CPS1: variants seen among roughly 807,000 people sequenced by gnomAD.
CPS1 encodes the protein carbamoyl-phosphate synthase 1.
CPS1 carries 109 observed loss-of-function variants against 174.6 expected under a neutral mutation model. That is an observed-to-expected ratio of 0.62 (90% CI 0.53 to 0.73). CPS1 has a LOEUF of 0.73. Among genes scored for constraint, CPS1 ranks in the 30% least tolerant of loss-of-function variants. The pLI, the probability that CPS1 is intolerant of heterozygous loss-of-function variation, is 0.00. For missense variants in CPS1, 1,689 were observed against 1,821.9 expected, an observed-to-expected ratio of 0.93 and a Z score of 1.33; for synonymous variants, 637 against 632.0, an observed-to-expected ratio of 1.01 and a Z score of -0.12.
intron 1 of CPS1, 49 bp downstream of exon 1, chr2:210,556,908 T>C (rs1245361349): frequency 1.9e-6 from 3 of 1,601,002 alleles, no homozygotes; most frequent in East Asian, 2.2e-5. Context: ...GGGTATAGTT[T>C]AGCAGTGAAG....
upstream of CPS1, among the ~76,000 whole-genome samples, chr2:210,552,607 A>G (rs943960520): frequency 5.3e-5 from 8 of 151,926 alleles, no homozygotes; most frequent in African/African-American, 1.4e-4. Context: ...TAAGACCTTT[A>G]TTCTCTAAGA....
chr2:210,615,622 A>T lies in CPS1; in HGVS notation c.2569-801A>T, dbSNP rs183350754. On this transcript the variant is annotated intron_variant, in intron 20 of 37. Coordinates refer to ENST00000233072, the MANE Select transcript of CPS1 (RefSeq NM_001875.5). ...CATACACACATACAAGAATAAGAGT[A>T]GACATCTTTTTGTATAAAGATTTTG... is the stretch of plus-strand genomic sequence containing the variant. 9.5e-4 allele frequency among the ~76,000 whole-genome samples: 144 copies of T among 152,150 alleles called. 1 individual carries two copies. Among genetic ancestry groups the T allele is most frequent in the African/African-American group, 3.3e-3 (139 of 41,542 alleles).
At chr2:210,666,506 AG>A (rs1701104018) in intron 33 of CPS1, among the ~76,000 whole-genome samples, 1 of 152,100 alleles carries the variant, frequency 6.6e-6, no homozygotes, top group South Asian at 2.1e-4. Context: ...TTTTTGTATA[AG>A]GTGTAAGGAA....
In CPS1 at chr2:210,591,827, C is replaced by A. The variant is rs565704219; in HGVS notation, c.948-4C>A. 2 of 1,611,888 alleles carry A rather than the reference C, an allele frequency of 1.2e-6. No homozygotes were observed. The highest frequency in any genetic ancestry group is 1.7e-5 in the Admixed American group (1 of 59,844). On this transcript the variant is annotated splice_region_variant and splice_polypyrimidine_tract_variant and intron_variant, in intron 9 of 37. Coordinates refer to ENST00000233072, the MANE Select transcript of CPS1 (RefSeq NM_001875.5). ...CCCTATTCTTTTTCTCCTTTTCTCT[C>A]CAGAGGGCAGAATCAGCCTGTTTTG... is the stretch of plus-strand genomic sequence containing the variant.
chr2:210,493,316 G>A (rs1694916130), intron 1 of CPS1, among the ~76,000 whole-genome samples: 1 of 152,164 alleles, frequency 6.6e-6, no homozygotes, highest in Admixed American at 6.5e-5. Flanking sequence ...CGAGAATTGA[G>A]GGGAGTTAGC....
intron 13 of CPS1, among the ~76,000 whole-genome samples, chr2:210,598,117 G>T (rs1163688244): frequency 6.6e-6 from 1 of 151,476 alleles, no homozygotes; most frequent in Non-Finnish European, 1.5e-5. Flanking sequence ...TTTTAGGTCT[G>T]GGGGTTAACA....
rs905549327 is a variant in CPS1 at position 210,491,530 on chromosome 2, G to A, written c.3+13764G>A. ...GGGTTTCACTATGTTAGCCAGGATG[G>A]TCTCTATCTCCTGACCTCGCGATCC... On this transcript the variant is annotated intron_variant, in intron 1 of 38. Transcript: ENST00000430249. Among the ~76,000 whole-genome samples, 5 of 151,984 alleles carry A rather than the reference G, an allele frequency of 3.3e-5. No homozygotes were observed. The South Asian group carries it at 1.0e-3, about 32-fold the overall frequency.
chr2:210,650,267 G>T, intron 27 of CPS1, 96 bp from the exon 28 acceptor site: 4 of 1,001,140 alleles, frequency 4.0e-6, no homozygotes, highest in Non-Finnish European at 4.8e-6. Flanking sequence ...ATTCAGCCCC[G>T]ACTGGAACTA....
At chr2:210,674,630 A>C (rs1701458823) in intron 34 of CPS1, 2 of 476,438 alleles carry the variant, frequency 4.2e-6, no homozygotes, top group Admixed American at 3.3e-5. Flanking sequence ...GAACTTACAA[A>C]GACCAAGTAG....
chr2:210,516,220 T>C (rs1041092575), intron 1 of CPS1, among the ~76,000 whole-genome samples: 75 of 151,864 alleles, frequency 4.9e-4, no homozygotes, highest in African/African-American at 1.7e-3. Context: ...GTACCATTTG[T>C]CAAGTGTCAT....
intron 10 of CPS1, among the ~76,000 whole-genome samples, chr2:210,592,618 T>C (rs184642602): frequency 1.3e-5 from 2 of 151,938 alleles, no homozygotes; most frequent in African/African-American, 4.8e-5. Context: ...CCAAATTTTT[T>C]ATTTATTTAT....
intron 1 of CPS1, among the ~76,000 whole-genome samples, chr2:210,562,170 C>A (rs1266648252): frequency 2.0e-5 from 3 of 152,098 alleles, no homozygotes; most frequent in African/African-American, 4.8e-5. Context: ...CAATGAGAAA[C>A]CTTATTAGAA....
chr2:210,497,845 A>G (rs2105958804), intron 1 of CPS1, among the ~76,000 whole-genome samples: 1 of 145,174 alleles, frequency 6.9e-6, no homozygotes, highest in South Asian at 2.2e-4. Context: ...GAGTGCTGCA[A>G]TAAATATGTG....
intron 17 of CPS1, among the ~76,000 whole-genome samples, chr2:210,606,309 T>C (rs1015100616): frequency 2.6e-5 from 4 of 151,584 alleles, no homozygotes; most frequent in African/African-American, 9.7e-5. Flanking sequence ...GCAGAAGGGA[T>C]GGAGACTAAG....
At chr2:210,605,346 C>G in intron 17 of CPS1, 100 bp downstream of exon 17, 1 of 1,280,992 alleles carries the variant, frequency 7.8e-7, no homozygotes, top group Non-Finnish European at 1.1e-6. Flanking sequence ...ATTACTATTT[C>G]TAGTTGACAG....
At chr2:210,509,388 A>T (rs1180512080) in intron 1 of CPS1, among the ~76,000 whole-genome samples, 1 of 152,124 alleles carries the variant, frequency 6.6e-6, no homozygotes, top group Non-Finnish European at 1.5e-5. Flanking sequence ...TCTCAAAATA[A>T]TAAGAGCTAT....
intron 15 of CPS1, among the ~76,000 whole-genome samples, chr2:210,601,517 G>A (rs1698724929): frequency 6.6e-6 from 1 of 151,940 alleles, no homozygotes; most frequent in South Asian, 2.1e-4. Context: ...TAACTCTGCT[G>A]CACAATTTGG....
At chr2:210,629,506 G>A (rs956864467) in intron 21 of CPS1, among the ~76,000 whole-genome samples, 49 of 151,538 alleles carry the variant, frequency 3.2e-4, no homozygotes, top group Admixed American at 1.2e-3. Context: ...TAGTAGAGAC[G>A]GGGTTTCACC....
At chr2:210,640,987 G>C (rs1700205606) in intron 24 of CPS1, among the ~76,000 whole-genome samples, 1 of 152,210 alleles carries the variant, frequency 6.6e-6, no homozygotes, top group African/African-American at 2.4e-5. Context: ...AGGAAGTTCA[G>C]TTGTCTGGTG....
Sources: gnomAD v4.1 joint callset for allele counts (sites outside exome capture counted in the v4.1 genomes callset) on GRCh38, gnomAD v4.1.1 for gene constraint, MANE v1.5 for transcripts, NCBI Gene and HGNC (gene_info 2026-07-23, HGNC 2026-07-21) for gene names.